The following TJP1 variants were observed in gnomAD, a reference collection of about 807,000 sequenced individuals.
TJP1 encodes the protein tight junction protein ZO-1.
In TJP1, 43 loss-of-function variants were observed where a neutral mutation model predicts 194.2. The ratio of observed to expected loss-of-function variants is 0.22; its 90% CI spans 0.17 to 0.29. The LOEUF (loss-of-function observed/expected upper bound fraction) is 0.29, where lower values mean the gene tolerates loss of function less well. Among genes scored for constraint, TJP1 ranks in the 10% least tolerant of loss-of-function variants. The probability of loss-of-function intolerance (pLI) is 1.00; values close to 1 mark genes in which losing one functional copy is unlikely to be tolerated. For missense variants in TJP1, 1,971 were observed against 2,185.7 expected (o/e 0.90, Z 1.96); for synonymous variants, 801 against 779.0 (o/e 1.03, Z -0.47).
In TJP1 at chr15:29,701,413, G is replaced by A; in HGVS notation, c.*182C>T. On this transcript the variant is annotated 3_prime_UTR_variant, in exon 28 of 28. Coordinates refer to ENST00000614355, the MANE Select transcript of TJP1 (RefSeq NM_001330239.4). ...CCCGTCAATCACAAACATGCAGTGT[G>A]TAGCATGTTTTCCGACCATGGTTCA... The A allele has an allele frequency of 1.9e-6, 1 of 530,302 alleles. No individual in the cohort carries two copies. Among genetic ancestry groups the A allele is most frequent in the Non-Finnish European group, 3.4e-6 (1 of 297,642 alleles). The allele number at this position is 530,302 out of a possible 1,614,324, so 32.8% of individuals were successfully genotyped here. A position where few individuals can be genotyped will look rare whatever the true frequency, so the allele number is the denominator to read the frequency against.
chr15:29,704,099 A>G lies in TJP1; in HGVS notation c.5212+63T>C, dbSNP rs1403125701. The stretch of plus-strand genomic sequence containing the variant: ...AACACACAGCATGGGCAGCATCATC[A>G]GCCCAGGTATTAATCAACGACAGTC... On this transcript the variant is annotated intron_variant, in intron 27 of 27. Transcript: ENST00000614355. The G allele has an allele frequency of 4.0e-6, 6 of 1,485,770 alleles. No homozygotes were observed. In the East Asian group the frequency reaches 1.2e-4, roughly 31 times the overall value. 92.0% of individuals were successfully genotyped at this position (1,485,770 alleles called of 1,614,324 possible). A position where few individuals can be genotyped will look rare whatever the true frequency, so the allele number is the denominator to read the frequency against.
chr15:29,873,978 A>G (rs1278210283), intron 2 of TJP1, among the ~76,000 whole-genome samples: 1 of 152,230 alleles, frequency 6.6e-6, no homozygotes, highest in Non-Finnish European at 1.5e-5. Context: ...CTAAATTAAA[A>G]GAAAACAAAG....
intron 10 of TJP1, among the ~76,000 whole-genome samples, chr15:29,739,628 T>C (rs1263349705): frequency 1.3e-5 from 2 of 152,018 alleles, no homozygotes; most frequent in African/African-American, 4.8e-5. Flanking sequence ...GTATTTTTAG[T>C]AGAGACGGGG....
chr15:29,738,263 A>AT (rs1238888627), intron 10 of TJP1, among the ~76,000 whole-genome samples: 1 of 152,120 alleles, frequency 6.6e-6, no homozygotes, highest in Non-Finnish European at 1.5e-5. Context: ...AAAATACACT[A>AT]TTTTACCTAT....
intron 2 of TJP1, among the ~76,000 whole-genome samples, chr15:29,850,019 T>G (rs1194669579): frequency 2.0e-5 from 3 of 152,134 alleles, no homozygotes; most frequent in South Asian, 4.1e-4. Flanking sequence ...ATGAGGGCAT[T>G]CAAGCAGCAC....
chr15:29,891,299 C>T (rs1256514023), intron 2 of TJP1, among the ~76,000 whole-genome samples: 1 of 152,182 alleles, frequency 6.6e-6, no homozygotes, highest in Non-Finnish European at 1.5e-5. Context: ...CTCCTACTCT[C>T]CAATTCTGAG....
intron 10 of TJP1, among the ~76,000 whole-genome samples, chr15:29,739,034 G>A (rs1031206559): frequency 1.3e-5 from 2 of 151,946 alleles, no homozygotes; most frequent in Admixed American, 1.3e-4. Flanking sequence ...ACAGAGTGAG[G>A]CCCTGTCTCT....
At chr15:29,711,325 A>G (rs1238657128) in intron 23 of TJP1, among the ~76,000 whole-genome samples, 1 of 152,202 alleles carries the variant, frequency 6.6e-6, no homozygotes. Flanking sequence ...AAAGTCTTGC[A>G]AATATTCTGA....
intron 2 of TJP1, among the ~76,000 whole-genome samples, chr15:29,915,490 T>C (rs1489687370): frequency 6.6e-6 from 1 of 152,220 alleles, no homozygotes; most frequent in Non-Finnish European, 1.5e-5. Flanking sequence ...GCTCTGTTAC[T>C]GGTCTTTATC....
intron 2 of TJP1, among the ~76,000 whole-genome samples, chr15:29,907,286 G>A (rs150880245): frequency 3.3e-3 from 504 of 152,126 alleles, no homozygotes; most frequent in African/African-American, 0.012. Flanking sequence ...GCGGGCGCCT[G>A]TAGCCCCAGC....
At chr15:29,806,718 C>CCCTGT (rs2049133595) in intron 1 of TJP1, among the ~76,000 whole-genome samples, 1 of 152,102 alleles carries the variant, frequency 6.6e-6, no homozygotes. Flanking sequence ...AACAGATGAC[C>CCCTGT]CCTGCCCTTC....
chr15:29,761,829 G>C, intron 6 of TJP1, 60 bp from the exon 7 acceptor site: 1 of 1,404,456 alleles, frequency 7.1e-7, no homozygotes, highest in Non-Finnish European at 9.5e-7. Context: ...TGTTAACTTA[G>C]TTTGTTATAA....
intron 2 of TJP1, among the ~76,000 whole-genome samples, chr15:29,874,284 A>C (rs561510417): frequency 6.6e-6 from 1 of 152,202 alleles, no homozygotes; most frequent in East Asian, 1.9e-4. Context: ...ACAGTAAAGG[A>C]GTGTATCAGG....
intron 2 of TJP1, among the ~76,000 whole-genome samples, chr15:29,943,499 G>A (rs1204824389): frequency 4.6e-5 from 7 of 151,692 alleles, no homozygotes; most frequent in Admixed American, 2.0e-4. Flanking sequence ...ATGGTGGCGT[G>A]CGCCTGTAAT....
chr15:29,885,667 G>A (rs116900504), intron 2 of TJP1, among the ~76,000 whole-genome samples: 415 of 152,302 alleles, frequency 2.7e-3, no homozygotes, highest in Non-Finnish European at 4.6e-3. Flanking sequence ...ACAGAGAACT[G>A]ACCTAGAATT....
intron 1 of TJP1, among the ~76,000 whole-genome samples, chr15:29,808,837 A>G (rs2049291509): frequency 6.6e-6 from 1 of 152,224 alleles, no homozygotes; most frequent in Non-Finnish European, 1.5e-5. Flanking sequence ...CACACTGATC[A>G]TCAATGGCTG....
intron 8 of TJP1, among the ~76,000 whole-genome samples, chr15:29,754,337 C>T (rs2045503964): frequency 6.6e-6 from 1 of 151,986 alleles, no homozygotes; most frequent in Admixed American, 6.5e-5. Context: ...CTTACGAACA[C>T]AAAGAAAACA....
intron 2 of TJP1, among the ~76,000 whole-genome samples, chr15:29,873,624 T>G (rs1282965163): frequency 6.6e-6 from 1 of 152,222 alleles, no homozygotes; most frequent in Non-Finnish European, 1.5e-5. Flanking sequence ...GTTTCCTATT[T>G]TAATATTCTC....
chr15:29,760,134 T>C, intron 8 of TJP1: 1 of 685,328 alleles, frequency 1.5e-6, no homozygotes, highest in Non-Finnish European at 2.7e-6. Flanking sequence ...AGCCCTGGAC[T>C]CATGTTTCAA....
Sources: gnomAD v4.1 joint callset for allele counts (sites outside exome capture counted in the v4.1 genomes callset) on GRCh38, gnomAD v4.1.1 for gene constraint, MANE v1.5 for transcripts, NCBI Gene and HGNC (gene_info 2026-07-23, HGNC 2026-07-21) for gene names.